Variants in LIPK observed in about 807,000 individuals in gnomAD.
LIPK encodes the protein lipase member K.
Under a neutral mutation model 48.6 loss-of-function variants are expected in LIPK, and 32 were observed. That is an observed-to-expected ratio of 0.66 (90% CI 0.50 to 0.88). LIPK has a LOEUF of 0.88. Among genes scored for constraint, LIPK ranks in the 40% least tolerant of loss-of-function variants. The pLI is 0.00. For synonymous variants in LIPK, 164 were observed against 157.4 expected, an observed-to-expected ratio of 1.04 and a Z score of -0.32; for missense variants, 507 against 478.5, an observed-to-expected ratio of 1.06 and a Z score of -0.56.
At chr10:88,722,882 C>CTTTTTCCTTT in intron 1 of LIPK, among the ~76,000 whole-genome samples, 1 of 46,028 alleles carries the variant, frequency 2.2e-5, no homozygotes, top group Non-Finnish European at 3.3e-5. Context: ...TTCTTCTTTT[C>CTTTTTCCTTT]TTTTTTCTTT....
At chr10:88,736,395 G>T (rs1268229379) in intron 6 of LIPK, among the ~76,000 whole-genome samples, 1 of 152,042 alleles carries the variant, frequency 6.6e-6, no homozygotes, top group Non-Finnish European at 1.5e-5. Context: ...AATTAAACTT[G>T]CCAAATTGTA....
intron 4 of LIPK, among the ~76,000 whole-genome samples, chr10:88,731,495 C>T (rs1047045446): frequency 4.6e-5 from 7 of 152,168 alleles, no homozygotes; most frequent in African/African-American, 7.2e-5. Context: ...CCAGCAGCAG[C>T]GCCTGAGGGT....
intron 1 of LIPK, among the ~76,000 whole-genome samples, chr10:88,716,618 A>C (rs1842124504): frequency 6.6e-6 from 1 of 152,178 alleles, no homozygotes; most frequent in Non-Finnish European, 1.5e-5. Context: ...CGGCCTCCCA[A>C]AGTGCTGGGA....
At chr10:88,711,307 T>C (rs998843251) in intron 1 of LIPK, among the ~76,000 whole-genome samples, 2 of 152,178 alleles carry the variant, frequency 1.3e-5, no homozygotes, top group African/African-American at 4.8e-5. Flanking sequence ...TATATATATG[T>C]AGTGAAATGG....
rs749273795 is a variant in LIPK, at chr10:88,732,253, C to G, written c.498C>G (p.Leu166=). ...FIIEKTGQKR[L]YYVGHSQGTT... is the part of the protein sequence containing the mutation. Reference sequence around the variant, plus strand: ...TAGAGAAAACTGGACAGAAGCGACTCTACTACGTGGGCCACTCACAAGGCA... The same window carrying G: ...TAGAGAAAACTGGACAGAAGCGACTGTACTACGTGGGCCACTCACAAGGCA... The change falls in exon 5 of 10, where the codon CTC becomes CTG. Residue 166 remains leucine, a synonymous_variant. Coordinates refer to ENST00000404190, the MANE Select transcript of LIPK (RefSeq NM_001080518.2). The G allele has an allele frequency of 5.0e-6, 8 of 1,613,990 alleles. No individual in the cohort carries two copies. The highest frequency in any genetic ancestry group is 1.1e-5 in the South Asian group (1 of 91,050).
At chr10:88,726,419 G>T (rs1322274404) in intron 2 of LIPK, among the ~76,000 whole-genome samples, 2 of 152,250 alleles carry the variant, frequency 1.3e-5, no homozygotes, top group Non-Finnish European at 2.9e-5. Flanking sequence ...AGGCAGGGAG[G>T]CTCACACCTA....
intron 9 of LIPK, among the ~76,000 whole-genome samples, chr10:88,749,101 C>T (rs933544132): frequency 2.0e-5 from 3 of 152,100 alleles, no homozygotes; most frequent in African/African-American, 7.2e-5. Flanking sequence ...AACTTTAAAA[C>T]ACTGCTCAAA....
At chr10:88,735,954 C>T (rs1309379000) in intron 6 of LIPK, among the ~76,000 whole-genome samples, 1 of 152,118 alleles carries the variant, frequency 6.6e-6, no homozygotes, top group East Asian at 1.9e-4. Context: ...GAATGTCCTG[C>T]TAATTTACTC....
chr10:88,726,884 A>C lies in LIPK; in HGVS notation c.195A>C (p.Pro65=). 1 of 1,600,464 alleles carries C rather than the reference A, an allele frequency of 6.2e-7. No individual in the cohort carries two copies. The highest frequency in any genetic ancestry group is 8.5e-7 in the Non-Finnish European group (1 of 1,169,630). Residue 65 remains proline, a synonymous_variant, in exon 3 of 10, where the codon CCA becomes CCC. Coordinates refer to ENST00000404190, the MANE Select transcript of LIPK (RefSeq NM_001080518.2). The part of the protein sequence containing the change: ...DGYILGIYRI[P]HGRGCPGRTA... ...ATATCCTTGGAATTTATAGGATTCC[A>C]CATGGAAGAGGATGCCCAGGGAGGA...
intron 9 of LIPK, among the ~76,000 whole-genome samples, chr10:88,744,238 C>CT (rs1410767791): frequency 1.3e-5 from 2 of 152,252 alleles, no homozygotes; most frequent in Admixed American, 1.3e-4. Context: ...GCCATACCTC[C>CT]TTCACTGGCA....
chr10:88,741,944 A>T (rs1289359571), intron 8 of LIPK, among the ~76,000 whole-genome samples: 1 of 152,178 alleles, frequency 6.6e-6, no homozygotes, highest in Non-Finnish European at 1.5e-5. Context: ...GTTTTAACAG[A>T]CTCACAGCTC....
In LIPK at chr10:88,718,269, T is replaced by C. The variant is rs10430717; in HGVS notation, c.-11-6264T>C. Among the ~76,000 whole-genome samples, 97 of 149,280 alleles carry C rather than the reference T, an allele frequency of 6.5e-4. 1 individual carries two copies. The East Asian group carries it at 0.016, about 25-fold the overall frequency. The stretch of plus-strand genomic sequence containing the variant: ...CTTGGCTTCCTTCTATATATATACA[T>C]ACATATTATTTAGGAAATTTTATAT... On this transcript the variant is annotated intron_variant, in intron 1 of 9. Transcript: ENST00000404190.
chr10:88,737,645 G>C lies in LIPK; in HGVS notation c.680G>C (p.Gly227Ala), dbSNP rs1458929741. 7 of 1,613,254 alleles carry C rather than the reference G, an allele frequency of 4.3e-6. No individual in the cohort carries two copies. In the Admixed American group the frequency reaches 5.0e-5, roughly 12 times the overall value. Residue 227 changes from glycine to alanine, a missense_variant, in exon 7 of 10, where the codon GGT becomes GCT. Coordinates refer to ENST00000404190, the MANE Select transcript of LIPK (RefSeq NM_001080518.2). The part of the protein sequence containing the change: ...LSRRVVKVLF[G>A]DKMFHPHTLF... ...TAAATTATCTTGTAGGTGTTGTTTG[G>C]TGACAAAATGTTCCACCCTCATACA... is the stretch of plus-strand genomic sequence containing the variant.
At chr10:88,728,774 G>T in intron 3 of LIPK, 1 of 218,124 alleles carries the variant, frequency 4.6e-6, no homozygotes, top group South Asian at 5.6e-5. Context: ...CTATGGCCTG[G>T]ACTTCTTCCA....
intron 9 of LIPK, among the ~76,000 whole-genome samples, chr10:88,748,936 C>T (rs1842817915): frequency 6.6e-6 from 1 of 152,110 alleles, no homozygotes; most frequent in Non-Finnish European, 1.5e-5. Flanking sequence ...TAAATAACTT[C>T]AGTAATGTTT....
chr10:88,731,116 A>T lies in LIPK; in HGVS notation c.357A>T (p.Arg119=). 1 of 1,606,344 alleles carries T rather than the reference A, an allele frequency of 6.2e-7. No individual in the cohort carries two copies. Among genetic ancestry groups the T allele is most frequent in the Non-Finnish European group, 8.5e-7 (1 of 1,176,806 alleles). ...ATGACGTGTGGTTGGGGAACAGCCG[A>T]GGAAACACTTGGTCCAGAAAACACC... The part of the protein sequence containing the change: ...SGYDVWLGNS[R]GNTWSRKHLK... The change falls in exon 4 of 10, where the codon CGA becomes CGT. Residue 119 remains arginine (R), a synonymous_variant. Coordinates refer to ENST00000404190, the MANE Select transcript of LIPK (RefSeq NM_001080518.2).
intron 1 of LIPK, among the ~76,000 whole-genome samples, chr10:88,706,594 T>C (rs1163908612): frequency 6.6e-6 from 1 of 152,190 alleles, no homozygotes; most frequent in Non-Finnish European, 1.5e-5. Flanking sequence ...ATCACAAGTC[T>C]ACACTTGGAA....
At chr10:88,739,971 T>C in intron 7 of LIPK, 25 bp from the exon 8 acceptor site, 1 of 1,539,490 alleles carries the variant, frequency 6.5e-7, no homozygotes. Flanking sequence ...GATTAGCCTC[T>C]AGATGAGAAG....
intron 9 of LIPK, among the ~76,000 whole-genome samples, chr10:88,752,210 T>C (rs965635257): frequency 2.6e-5 from 4 of 152,152 alleles, no homozygotes; most frequent in African/African-American, 9.7e-5. Flanking sequence ...CATTCTGAGA[T>C]CAAATGCTAA....
Sources: allele counts gnomAD v4.1 joint callset (sites outside exome capture counted in the v4.1 genomes callset), GRCh38; gene constraint gnomAD v4.1.1; transcripts MANE v1.5; gene names NCBI Gene and HGNC (gene_info 2026-07-23, HGNC 2026-07-21).